The following UBE2G1 variants were observed in gnomAD, a reference collection of about 807,000 sequenced individuals.
UBE2G1 encodes the protein ubiquitin-conjugating enzyme E2 G1.
UBE2G1 carries 5 observed loss-of-function variants against 22.7 expected under a neutral mutation model. The ratio of observed to expected loss-of-function variants is 0.22; its 90% confidence interval spans 0.12 to 0.46. The LOEUF (loss-of-function observed/expected upper bound fraction) is 0.46. Among genes scored for constraint, UBE2G1 ranks in the 20% least tolerant of loss-of-function variants. The pLI, the probability that UBE2G1 is intolerant of heterozygous loss-of-function variation, is 0.99. For missense variants in UBE2G1, 88 were observed against 203.9 expected (o/e 0.43, Z 3.46); for synonymous variants, 74 against 67.5 (o/e 1.10, Z -0.47).
intron 1 of UBE2G1, among the ~76,000 whole-genome samples, chr17:4,362,013 A>C (rs1969974574): frequency 6.7e-6 from 1 of 149,148 alleles, no homozygotes; most frequent in Non-Finnish European, 1.5e-5. Flanking sequence ...TTGCTTCCAC[A>C]AAAAGAACTT....
intron 3 of UBE2G1, among the ~76,000 whole-genome samples, chr17:4,290,068 A>G (rs8079112): frequency 0.95 from 144,988 of 152,076 alleles, 69,501 homozygotes; most frequent in East Asian, 1. Flanking sequence ...TGACATAACT[A>G]TTTAAGCAGT....
chr17:4,290,346 C>T lies in UBE2G1; in HGVS notation c.248-938G>A, dbSNP rs185178487. Among the ~76,000 whole-genome samples the T allele has an allele frequency of 6.1e-3, 933 of 152,244 alleles. 10 individuals carry two copies. Among genetic ancestry groups the T allele is most frequent in the Non-Finnish European group, 8.2e-3 (560 of 68,010 alleles). ...AAATATAATGCTAAATCTTATTTTT[C>T]GTTTCATAACATCAGTATTTCTGCT... On this transcript the variant is annotated intron_variant, in intron 3 of 5. Transcript: ENST00000396981.
chr17:4,354,987 G>C (rs1969889586), intron 1 of UBE2G1, among the ~76,000 whole-genome samples: 1 of 151,928 alleles, frequency 6.6e-6, no homozygotes, highest in African/African-American at 2.4e-5. Flanking sequence ...CCCAGCTATA[G>C]GGAGGGAGGG....
chr17:4,317,156 C>A (rs955348353), intron 1 of UBE2G1, among the ~76,000 whole-genome samples: 2 of 151,878 alleles, frequency 1.3e-5, no homozygotes, highest in African/African-American at 4.8e-5. Flanking sequence ...TTAAGACAAG[C>A]CTGGCCAGAA....
intron 2 of UBE2G1, among the ~76,000 whole-genome samples, chr17:4,297,758 A>C (rs1244019507): frequency 1.3e-5 from 2 of 152,254 alleles, no homozygotes; most frequent in Non-Finnish European, 2.9e-5. Context: ...ACTAAAATCT[A>C]AACTAGCCAC....
At chr17:4,277,549 T>C (rs1042542022) in intron 5 of UBE2G1, among the ~76,000 whole-genome samples, 6 of 152,146 alleles carry the variant, frequency 3.9e-5, no homozygotes, top group Admixed American at 6.5e-5. Flanking sequence ...ATAATCTCTA[T>C]ATAGGACAAG....
intron 1 of UBE2G1, among the ~76,000 whole-genome samples, chr17:4,347,259 G>A (rs1969788366): frequency 6.6e-6 from 1 of 152,044 alleles, no homozygotes; most frequent in African/African-American, 2.4e-5. Flanking sequence ...TACACATAAT[G>A]AGACATCCTG....
chr17:4,287,894 AT>A (rs1266846742), intron 4 of UBE2G1, among the ~76,000 whole-genome samples: 1 of 152,066 alleles, frequency 6.6e-6, no homozygotes, highest in African/African-American at 2.4e-5. Flanking sequence ...AAACTGCAGG[AT>A]AGGGGCGTGG....
At chr17:4,280,845 G>A (rs1463622179) in intron 5 of UBE2G1, among the ~76,000 whole-genome samples, 4 of 152,036 alleles carry the variant, frequency 2.6e-5, no homozygotes, top group African/African-American at 4.8e-5. Context: ...ATATTGGCCA[G>A]GCTGGTCTTG....
At position 4,366,432 on chromosome 17, in the gene UBE2G1, G is replaced by T; in HGVS notation, c.-116C>A. ...CCCGGGCCCCGCGACCGGAGCGCCG[G>T]AGCCGAGGAAGGCCGGGCTGAGGCG... On this transcript the variant is annotated 5_prime_UTR_variant, in exon 1 of 6. Coordinates refer to ENST00000396981, the MANE Select transcript of UBE2G1 (RefSeq NM_003342.5). 1 of 1,119,008 alleles carries T rather than the reference G, an allele frequency of 8.9e-7. No homozygotes were observed. The allele number at this position is 1,119,008 out of a possible 1,614,324, so 69.3% of individuals were successfully genotyped here. A position where few individuals can be genotyped will look rare whatever the true frequency, so the allele number is the denominator to read the frequency against.
intron 3 of UBE2G1, among the ~76,000 whole-genome samples, chr17:4,291,342 G>C (rs35867792): frequency 7.1e-6 from 1 of 141,406 alleles, no homozygotes; most frequent in East Asian, 2.0e-4. Flanking sequence ...CCTGGGCAAC[G>C]GGCGAAACTC....
chr17:4,286,913 C>T (rs761907423), intron 4 of UBE2G1, among the ~76,000 whole-genome samples: 2 of 151,906 alleles, frequency 1.3e-5, no homozygotes, highest in African/African-American at 2.4e-5. Flanking sequence ...GGCGTGGTTC[C>T]GCACGTCTGT....
intron 2 of UBE2G1, among the ~76,000 whole-genome samples, chr17:4,306,604 T>C (rs1969251605): frequency 6.6e-6 from 1 of 152,234 alleles, no homozygotes; most frequent in Admixed American, 6.5e-5. Flanking sequence ...CCATTTCTCC[T>C]GCTCCTTAAA....
At chr17:4,321,798 T>C (rs572461830) in intron 1 of UBE2G1, among the ~76,000 whole-genome samples, 2 of 152,240 alleles carry the variant, frequency 1.3e-5, no homozygotes, top group South Asian at 4.2e-4. Flanking sequence ...TGTTTGTTGC[T>C]ATTACTTAGA....
rs545175238 is a variant in UBE2G1, at chr17:4,296,197, C to G, written c.247+520G>C. 8.6e-5 allele frequency among the ~76,000 whole-genome samples: 13 copies of G among 152,000 alleles called. 1 individual carries two copies. The South Asian group carries it at 2.7e-3, about 32-fold the overall frequency. On this transcript the variant is annotated intron_variant, in intron 3 of 5. Transcript: ENST00000396981. ...TAACCATGCCCTCTGGTTTAAAACA[C>G]GAGTCTCAAACCAAACTGAAAACTA...
chr17:4,351,440 A>G (rs2034531089), intron 1 of UBE2G1, among the ~76,000 whole-genome samples: 2 of 152,218 alleles, frequency 1.3e-5, no homozygotes, highest in African/African-American at 2.4e-5. Flanking sequence ...ACCAAACTGG[A>G]TAACGAGAAT....
chr17:4,343,766 T>C (rs1251870582), intron 1 of UBE2G1, among the ~76,000 whole-genome samples: 4 of 151,958 alleles, frequency 2.6e-5, no homozygotes, highest in Non-Finnish European at 5.9e-5. Context: ...TTTTTTGTAC[T>C]TTAATTAGAC....
At chr17:4,357,499 G>A (rs1969919398) in intron 1 of UBE2G1, among the ~76,000 whole-genome samples, 1 of 56,270 alleles carries the variant, frequency 1.8e-5, no homozygotes, top group Admixed American at 1.5e-4. Flanking sequence ...GGTTGTGTGT[G>A]TGTGTGTGTG....
At chr17:4,283,099 A>G (rs1968913920) in intron 4 of UBE2G1, among the ~76,000 whole-genome samples, 178 bp from the exon 5 acceptor site, 1 of 152,244 alleles carries the variant, frequency 6.6e-6, no homozygotes, top group African/African-American at 2.4e-5. Context: ...CAGGATATAC[A>G]GGCAGAAATC....
Sources: gnomAD v4.1 joint callset for allele counts (sites outside exome capture counted in the v4.1 genomes callset) on GRCh38, gnomAD v4.1.1 for gene constraint, MANE v1.5 for transcripts, NCBI Gene and HGNC (gene_info 2026-07-23, HGNC 2026-07-21) for gene names.